The following ZMYM4 variants were observed in gnomAD, a reference collection of about 807,000 sequenced individuals.
The protein encoded by ZMYM4 is zinc finger MYM-type containing 4, also known as zinc finger MYM-type protein 4.
Under a neutral mutation model 183.2 loss-of-function variants are expected in ZMYM4, and 31 were observed. The observed-to-expected ratio is 0.17, with a 90% confidence interval of 0.13 to 0.23. ZMYM4 has a LOEUF of 0.23. Among genes scored for constraint, ZMYM4 ranks in the 10% least tolerant of loss-of-function variants. The pLI is 1.00. For missense variants in ZMYM4, 1,273 were observed against 1,840.3 expected (o/e 0.69, Z 5.64); for synonymous variants, 592 against 631.2 (o/e 0.94, Z 0.93).
intron 1 of ZMYM4, among the ~76,000 whole-genome samples, chr1:35,289,474 A>G (rs761264426): frequency 1.3e-5 from 2 of 152,140 alleles, no homozygotes; most frequent in African/African-American, 2.4e-5. Flanking sequence ...ATTAATTGAG[A>G]TAGGAAAACT....
chr1:35,360,769 AAG>A (rs1643917221), intron 3 of ZMYM4, among the ~76,000 whole-genome samples: 1 of 151,986 alleles, frequency 6.6e-6, no homozygotes, highest in Non-Finnish European at 1.5e-5. Flanking sequence ...GGATTCTTAG[AAG>A]AGAGATGATT....
intron 24 of ZMYM4, 49 bp from the exon 25 acceptor site, chr1:35,405,324 G>T (rs754814661): frequency 6.3e-7 from 1 of 1,577,374 alleles, no homozygotes; most frequent in East Asian, 2.2e-5. Context: ...AATTTTTTCC[G>T]CACTTTTATT....
At chr1:35,311,422 CAAA>C (rs200102940) in intron 1 of ZMYM4, among the ~76,000 whole-genome samples, 1,839 of 78,414 alleles carry the variant, frequency 0.023, 40 homozygotes, top group African/African-American at 0.073. Flanking sequence ...AACTCTGTCT[CAAA>C]AAAAAAAAAA....
At chr1:35,354,727 T>TAAAAAAAAAAAAAA (rs57493035) in intron 2 of ZMYM4, among the ~76,000 whole-genome samples, 1 of 84,036 alleles carries the variant, frequency 1.2e-5, no homozygotes, top group Admixed American at 1.3e-4. Flanking sequence ...ACTTTGTCTT[T>TAAAAAAAAAAAAAA]AAAAAAAAAA....
chr1:35,302,642 T>C (rs1262504126), intron 1 of ZMYM4, among the ~76,000 whole-genome samples: 2 of 151,810 alleles, frequency 1.3e-5, no homozygotes, highest in Non-Finnish European at 2.9e-5. Context: ...TCCTCGGCCT[T>C]CCAAAATGCT....
chr1:35,380,435 C>T (rs949525407), intron 7 of ZMYM4, among the ~76,000 whole-genome samples: 1 of 152,114 alleles, frequency 6.6e-6, no homozygotes, highest in Non-Finnish European at 1.5e-5. Context: ...TCATGCCATC[C>T]TCCTGCCTCA....
intron 1 of ZMYM4, among the ~76,000 whole-genome samples, chr1:35,315,049 AAAAC>A (rs1003678193): frequency 7.0e-6 from 1 of 143,870 alleles, no homozygotes; most frequent in Non-Finnish European, 1.5e-5. Context: ...AAAAACAAAA[AAAAC>A]AAAAGTAATT....
chr1:35,341,942 A>T (rs989346401), intron 2 of ZMYM4, among the ~76,000 whole-genome samples: 2 of 152,148 alleles, frequency 1.3e-5, no homozygotes, highest in Admixed American at 1.3e-4. Flanking sequence ...TCAGTTTGCT[A>T]ATATTTTCCT....
intron 9 of ZMYM4, among the ~76,000 whole-genome samples, chr1:35,382,609 A>AT (rs1163010373): frequency 6.6e-5 from 10 of 151,342 alleles, no homozygotes; most frequent in Non-Finnish European, 1.3e-4. Flanking sequence ...GGCCTGGCTA[A>AT]TTTTTTTGTA....
rs1640251072 is a variant in ZMYM4 at position 35,419,466 on chromosome 1, A to G, written c.4440-4A>G. 1.9e-6 allele frequency: 3 copies of G among 1,610,546 alleles called. No homozygotes were observed. The highest frequency in any genetic ancestry group is 2.5e-6 in the Non-Finnish European group (3 of 1,179,138). ...TTCTCTTTTTTTTTTTCCCCTGTGG[A>G]TAGTTCTGAAAGTGTGAAGCAAAGG... On this transcript the variant is annotated splice_polypyrimidine_tract_variant and splice_region_variant and intron_variant, in intron 29 of 29. Coordinates refer to ENST00000314607, the MANE Select transcript of ZMYM4 (RefSeq NM_005095.3).
chr1:35,339,756 A>G (rs1362286804), intron 2 of ZMYM4, among the ~76,000 whole-genome samples: 4 of 152,060 alleles, frequency 2.6e-5, no homozygotes, highest in Non-Finnish European at 4.4e-5. Flanking sequence ...CTTTTGAATT[A>G]CCCTACACTA....
chr1:35,376,399 T>A (rs1351110501), intron 7 of ZMYM4, among the ~76,000 whole-genome samples: 1 of 152,240 alleles, frequency 6.6e-6, no homozygotes, highest in African/African-American at 2.4e-5. Flanking sequence ...TCTGGAAAAC[T>A]CCTATTTAAG....
chr1:35,323,556 T>A (rs1642379075), intron 1 of ZMYM4, among the ~76,000 whole-genome samples: 1 of 151,476 alleles, frequency 6.6e-6, no homozygotes, highest in Non-Finnish European at 1.5e-5. Context: ...TTGGTGTTTT[T>A]TTTTTGAGAC....
intron 1 of ZMYM4, among the ~76,000 whole-genome samples, chr1:35,312,859 A>G (rs1641865326): frequency 1.3e-5 from 2 of 152,064 alleles, no homozygotes; most frequent in Admixed American, 6.6e-5. Context: ...TAGCTGGGAC[A>G]GGTGTTTGCC....
chr1:35,295,817 T>A (rs1640979696), intron 1 of ZMYM4: 1 of 152,220 alleles, frequency 6.6e-6, no homozygotes, highest in African/African-American at 2.4e-5. Flanking sequence ...CTTTGGAAAC[T>A]GGGAAAATGC....
chr1:35,297,423 T>C (rs1220086802), intron 1 of ZMYM4, among the ~76,000 whole-genome samples: 1 of 150,910 alleles, frequency 6.6e-6, no homozygotes, highest in East Asian at 2.0e-4. Flanking sequence ...TGCTGTGAGC[T>C]GAGGTTGCAG....
chr1:35,387,876 G>A (rs1644613836), intron 13 of ZMYM4, among the ~76,000 whole-genome samples: 1 of 152,146 alleles, frequency 6.6e-6, no homozygotes, highest in Non-Finnish European at 1.5e-5. Flanking sequence ...CCATTATTAG[G>A]TTGATCGGGA....
chr1:35,277,272 T>C (rs1332002665), intron 1 of ZMYM4, among the ~76,000 whole-genome samples: 2 of 152,192 alleles, frequency 1.3e-5, no homozygotes, highest in African/African-American at 4.8e-5. Context: ...AGAGCCCTAG[T>C]TGGTAGAGCT....
rs1640280652 is a variant in ZMYM4, at chr1:35,420,234, C to T, written c.*557C>T. 6.3e-6 allele frequency: 1 copy of T among 157,548 alleles called. No homozygotes were observed. The highest frequency in any genetic ancestry group is 2.4e-5 in the African/African-American group (1 of 41,480). 9.8% of individuals were successfully genotyped at this position (157,548 alleles called of 1,614,324 possible). A position where few individuals can be genotyped will look rare whatever the true frequency, so the allele number is the denominator to read the frequency against. On this transcript the variant is annotated 3_prime_UTR_variant, in exon 30 of 30. Coordinates refer to ENST00000314607, the MANE Select transcript of ZMYM4 (RefSeq NM_005095.3). ...TTTTGATTTTCACTGCCAAGCCAAT[C>T]ATGTGAAGGACAGAAGCTTTTGCCA... is the stretch of plus-strand genomic sequence containing the variant.
Sources: allele counts gnomAD v4.1 joint callset (sites outside exome capture counted in the v4.1 genomes callset), GRCh38; gene constraint gnomAD v4.1.1; transcripts MANE v1.5; gene names NCBI Gene and HGNC (gene_info 2026-07-23, HGNC 2026-07-21).